The following PCDH11Y variants were observed in gnomAD, a reference collection of about 807,000 sequenced individuals.
The protein encoded by PCDH11Y is protocadherin 11 Y-linked.
For missense variants in PCDH11Y, 12 were observed against 224.8 expected (o/e 0.05, Z 6.05); for synonymous variants, 9 against 83.6 (o/e 0.11, Z 4.87).
chrY:5,031,455 G>T, intron 1 of PCDH11Y, among the ~76,000 whole-genome samples: 1 of 32,457 alleles, frequency 3.1e-5, no homozygotes, highest in Non-Finnish European at 7.6e-5. Flanking sequence ...TTGCAACATC[G>T]ATAATATAAA....
intron 4 of PCDH11Y, among the ~76,000 whole-genome samples, chrY:5,662,090 C>A: frequency 6.1e-5 from 2 of 32,933 alleles, no homozygotes; most frequent in African/African-American, 1.2e-4. Context: ...TTGTTTTAGT[C>A]TCTTGAGAGC....
chrY:5,569,914 A>C (rs2053437985), intron 3 of PCDH11Y, among the ~76,000 whole-genome samples: 1 of 33,065 alleles, frequency 3.0e-5, no homozygotes, highest in East Asian at 7.8e-4. Context: ...AGTGTATTAA[A>C]GATGTATATC....
Position 5,041,194 on chromosome Y carries a change from G to C in PCDH11Y, c.32+8466G>C, listed in dbSNP as rs1166504543. Among the ~76,000 whole-genome samples the C allele has an allele frequency of 1.9e-4, 6 of 31,092 alleles. No individual in the cohort carries two copies. The East Asian group carries it at 4.4e-3, about 23-fold the overall frequency. The allele number at this position is 31,092 out of a possible 37,273, so 83.4% of individuals were successfully genotyped here. A position where few individuals can be genotyped will look rare whatever the true frequency, so the allele number is the denominator to read the frequency against. Reference sequence around the variant, plus strand: ...ACATACGTATACATGTGCCATGCTGGTGCGCTGCACCCACTAACTCGTCAT... The same window carrying C: ...ACATACGTATACATGTGCCATGCTGCTGCGCTGCACCCACTAACTCGTCAT... On this transcript the variant is annotated intron_variant, in intron 3 of 5. Coordinates refer to the PCDH11Y transcript ENST00000333703.
At chrY:5,570,281 G>A (rs2053438343) in intron 3 of PCDH11Y, among the ~76,000 whole-genome samples, 47 of 31,445 alleles carry the variant, frequency 1.5e-3, no homozygotes, top group Non-Finnish European at 7.7e-4. Flanking sequence ...TGCTTTTTAT[G>A]CTTTGTTCTT....
At chrY:5,288,848 C>T (rs2053063534) in intron 2 of PCDH11Y, among the ~76,000 whole-genome samples, 1 of 29,659 alleles carries the variant, frequency 3.4e-5, no homozygotes, top group Admixed American at 3.2e-4. Flanking sequence ...AAGGATGCTG[C>T]CCTCCATGCA....
intron 1 of PCDH11Y, among the ~76,000 whole-genome samples, chrY:5,020,236 CT>C (rs2052567511): frequency 3.2e-5 from 1 of 31,506 alleles, no homozygotes; most frequent in Non-Finnish European, 7.7e-5. Flanking sequence ...AAACACAAAT[CT>C]TTTTTTTCAC....
chrY:5,659,091 G>A, intron 4 of PCDH11Y, among the ~76,000 whole-genome samples: 1 of 32,781 alleles, frequency 3.1e-5, no homozygotes, highest in Non-Finnish European at 7.5e-5. Flanking sequence ...TTACCAGGAA[G>A]AGTCTCATGT....
chrY:5,099,748 G>A (rs774524146), exon 2 of PCDH11Y: 1 of 394,722 alleles, frequency 2.5e-6, no homozygotes, highest in Non-Finnish European at 3.5e-6. Flanking sequence ...CACTAATCCA[G>A]GCACAGTGGT....
chrY:5,412,743 G>T, intron 2 of PCDH11Y, among the ~76,000 whole-genome samples: 1 of 33,381 alleles, frequency 3.0e-5, no homozygotes, highest in Admixed American at 2.7e-4. Flanking sequence ...TTATTGGTTT[G>T]CATTTGTTGA....
chrY:5,034,265 A>C (rs182668234), intron 3 of PCDH11Y, among the ~76,000 whole-genome samples: 8 of 33,072 alleles, frequency 2.4e-4, no homozygotes, highest in African/African-American at 4.7e-4. Context: ...CAAATTATTC[A>C]AGTCCCTTGC....
At chrY:5,457,900 C>T in intron 2 of PCDH11Y, among the ~76,000 whole-genome samples, 20 of 32,911 alleles carry the variant, frequency 6.1e-4, no homozygotes, top group Non-Finnish European at 1.2e-3. Flanking sequence ...ACCTCAATAG[C>T]ATTCAATGCT....
chrY:5,213,885 C>T (rs2052942375), intron 2 of PCDH11Y, among the ~76,000 whole-genome samples: 2 of 32,514 alleles, frequency 6.2e-5, no homozygotes, highest in East Asian at 8.2e-4. Flanking sequence ...TTTGGGAGGC[C>T]GAGGCGGGCA....
At chrY:5,140,854 T>A in intron 2 of PCDH11Y, among the ~76,000 whole-genome samples, 1 of 32,191 alleles carries the variant, frequency 3.1e-5, no homozygotes, top group African/African-American at 1.2e-4. Flanking sequence ...TTTTTTTTTT[T>A]TATTATTATA....
chrY:5,303,505 T>C, intron 2 of PCDH11Y, among the ~76,000 whole-genome samples: 3 of 32,331 alleles, frequency 9.3e-5, no homozygotes, highest in Admixed American at 2.9e-4. Context: ...ACTTGTTTAT[T>C]GTTCAATTCC....
At chrY:5,024,801 A>AT (rs2052576298) in intron 1 of PCDH11Y, among the ~76,000 whole-genome samples, 5 of 30,991 alleles carry the variant, frequency 1.6e-4, no homozygotes, top group Non-Finnish European at 3.2e-4. Context: ...TATCTTTTTC[A>AT]TTTTTTTTTC....
chrY:5,097,265 A>C (rs2124635096), intron 1 of PCDH11Y, among the ~76,000 whole-genome samples: 5 of 29,522 alleles, frequency 1.7e-4, no homozygotes, highest in African/African-American at 6.6e-4. Context: ...ATACAAATTT[A>C]TATTTTAACC....
At chrY:5,563,730 T>C (rs2053431748) in intron 3 of PCDH11Y, among the ~76,000 whole-genome samples, 1 of 30,998 alleles carries the variant, frequency 3.2e-5, no homozygotes. Context: ...TTAATTCCAG[T>C]AGACGCTCTT....
chrY:5,573,292 G>A, intron 3 of PCDH11Y: 23 of 343,712 alleles, frequency 6.7e-5, no homozygotes, highest in Non-Finnish European at 9.0e-5. Flanking sequence ...CTCCGTGTCC[G>A]CTCCACCAGC....
At chrY:5,672,232 GT>G (rs2053550025) in intron 4 of PCDH11Y, among the ~76,000 whole-genome samples, 1 of 32,003 alleles carries the variant, frequency 3.1e-5, no homozygotes, top group Non-Finnish European at 7.7e-5. Context: ...GTGTGTGTGT[GT>G]TTCTTGATGT....
Sources: allele counts gnomAD v4.1 joint callset (sites outside exome capture counted in the v4.1 genomes callset), GRCh38; gene constraint gnomAD v4.1.1; transcripts MANE v1.5; gene names NCBI Gene and HGNC (gene_info 2026-07-23, HGNC 2026-07-21).